Variants in DPH2 observed in about 807,000 individuals in gnomAD.
The protein encoded by DPH2 is diphthamide biosynthesis 2.
DPH2 carries 28 observed loss-of-function variants against 42.5 expected under a neutral mutation model. That is an observed-to-expected ratio of 0.66 (90% confidence interval 0.49 to 0.90). The LOEUF is 0.90. Ranked by LOEUF, DPH2 falls within the 40% of genes least tolerant of loss-of-function variation. The pLI, the probability that DPH2 is intolerant of heterozygous loss-of-function variation, is 0.00. For missense variants in DPH2, 576 were observed against 636.0 expected, an observed-to-expected ratio of 0.91 and a Z score of 1.01; for synonymous variants, 279 against 264.4, an observed-to-expected ratio of 1.06 and a Z score of -0.53.
chr1:43,970,011 GTAGT>G lies in DPH2; in HGVS notation c.-161_-158del. ...TAGTCCCACGTGTAGCGGAGAAACAGTAGTTAGGATGGCTGAAGGGGATACTCAC... is the reference window on the plus strand; with the variant it reads ...TAGTCCCACGTGTAGCGGAGAAACAGTAGGATGGCTGAAGGGGATACTCAC... On this transcript the variant is annotated 5_prime_UTR_variant, in exon 1 of 6. Transcript: ENST00000255108. 4 of 760,016 alleles carry G rather than the reference GTAGT, an allele frequency of 5.3e-6. No individual in the cohort carries two copies. The highest frequency in any genetic ancestry group is 8.2e-6 in the Non-Finnish European group (4 of 488,898). The allele number at this position is 760,016 out of a possible 1,614,324, so 47.1% of individuals were successfully genotyped here.
At chr1:43,972,097 T>C (rs913098157) in intron 4 of DPH2, 27 bp downstream of exon 4, 1 of 1,609,420 alleles carries the variant, frequency 6.2e-7, no homozygotes, top group Admixed American at 1.7e-5. Context: ...TTGCCTAAGC[T>C]GGAAACCTGG....
intron 2 of DPH2, 29 bp from the exon 3 acceptor site, chr1:43,970,937 C>G: frequency 1.3e-6 from 2 of 1,556,280 alleles, no homozygotes; most frequent in Non-Finnish European, 1.7e-6. Context: ...AGAAGAGAAC[C>G]CATTTCTCTG....
intron 1 of DPH2, 42 bp from the exon 2 acceptor site, chr1:43,970,554 T>C: frequency 1.2e-6 from 2 of 1,600,112 alleles, no homozygotes; most frequent in Non-Finnish European, 8.6e-7. Context: ...AAGCCCTCAG[T>C]GGGAGAGAGG....
In DPH2 at chr1:43,971,858, T is replaced by C; in HGVS notation, c.956T>C (p.Leu319Pro). The C allele has an allele frequency of 6.2e-7, 1 of 1,614,086 alleles. No individual in the cohort carries two copies. The highest frequency in any genetic ancestry group is 8.5e-7 in the Non-Finnish European group (1 of 1,180,036). The change falls in exon 4 of 6, where the codon CTG becomes CCG. Residue 319 changes from leucine to proline, a missense_variant. Leu to Pro is a moderately conservative substitution (Grantham distance 98, BLOSUM62 -3). This residue lies in a region of DPH2 where 395 missense variants were observed against 435.2 expected (regional missense o/e 0.91). Transcript: ENST00000255108. ...AAGKRSYVLA[L>P]GRPTPAKLAN... ...GGCAAGCGTAGCTATGTGTTGGCCC[T>C]GGGGCGGCCCACCCCTGCCAAGCTT...
In DPH2 at chr1:43,973,009, A is replaced by G. The variant is rs2085467946; in HGVS notation, c.*470A>G. ...GCAGCATCCCTGGCCTCTGCCCACTAGACATCAGAAGCACTCCCCCAGTTG... is the reference window on the plus strand; with the variant it reads ...GCAGCATCCCTGGCCTCTGCCCACTGGACATCAGAAGCACTCCCCCAGTTG... On this transcript the variant is annotated 3_prime_UTR_variant, in exon 6 of 6. Coordinates refer to ENST00000255108, the MANE Select transcript of DPH2 (RefSeq NM_001384.5). 6.4e-6 allele frequency: 1 copy of G among 156,658 alleles called. No homozygotes were observed. Among genetic ancestry groups the G allele is most frequent in the African/African-American group, 2.4e-5 (1 of 41,502 alleles). The allele number at this position is 156,658 out of a possible 1,614,324, so 9.7% of individuals were successfully genotyped here. A position where few individuals can be genotyped will look rare whatever the true frequency, so the allele number is the denominator to read the frequency against.
In DPH2 at chr1:43,971,622, G is replaced by A; in HGVS notation, c.720G>A (p.Gly240=). 6.2e-7 allele frequency: 1 copy of A among 1,614,126 alleles called. No individual in the cohort carries two copies. The highest frequency in any genetic ancestry group is 1.1e-5 in the South Asian group (1 of 91,088). ...CAGACCTGAGTCGGCTGCTCTTGGGGTGGGCACCAGGTCAACCCTTCTCCT... is the reference window on the plus strand; with the variant it reads ...CAGACCTGAGTCGGCTGCTCTTGGGATGGGCACCAGGTCAACCCTTCTCCT... ...LDPDLSRLLL[G]WAPGQPFSSC... is the part of the protein sequence containing the mutation. Residue 240 remains glycine, a synonymous_variant, in exon 4 of 6, where the codon GGG becomes GGA. Coordinates refer to ENST00000255108, the MANE Select transcript of DPH2 (RefSeq NM_001384.5).
chr1:43,972,177 T>C lies in DPH2; in HGVS notation c.1188T>C (p.Ala396=). Residue 396 remains alanine (A), a synonymous_variant, in exon 5 of 6, where the codon GCT becomes GCC. Coordinates refer to ENST00000255108, the MANE Select transcript of DPH2 (RefSeq NM_001384.5). ...DLLPGSPFHV[A]LPPPESELWE... Reference sequence around the variant, plus strand: ...TTTCAGGCTCTCCCTTCCACGTGGCTCTCCCACCACCTGAGTCAGAGCTGT... The same window carrying C: ...TTTCAGGCTCTCCCTTCCACGTGGCCCTCCCACCACCTGAGTCAGAGCTGT... 6.2e-7 allele frequency: 1 copy of C among 1,613,722 alleles called. No homozygotes were observed. The highest frequency in any genetic ancestry group is 8.5e-7 in the Non-Finnish European group (1 of 1,179,796).
chr1:43,972,561 T>A lies in DPH2; in HGVS notation c.*22T>A, dbSNP rs967501103. 4 of 1,599,278 alleles carry A rather than the reference T, an allele frequency of 2.5e-6. No homozygotes were observed. Among genetic ancestry groups the A allele is most frequent in the Non-Finnish European group, 3.4e-6 (4 of 1,166,742 alleles). The stretch of plus-strand genomic sequence containing the variant: ...CTGATACCATGTGGGGCTGGAGACA[T>A]AGATGGACTTATGAATGGCTGCTAG... On this transcript the variant is annotated 3_prime_UTR_variant, in exon 6 of 6. Coordinates refer to ENST00000255108, the MANE Select transcript of DPH2 (RefSeq NM_001384.5).
Position 43,970,692 on chromosome 1 carries a change from GAC to G in DPH2, c.248_249del (p.Thr83SerfsTer13). ...TTGSKMFILG[D>X]TAYGSCCVDV... ...AGGGTCAAAGATGTTCATTCTGGGT[GAC>G]ACAGCCTACGGCAGGTGTGAACTTG... On this transcript the variant is annotated frameshift_variant, in exon 2 of 6. Transcript: ENST00000255108. LOFTEE classifies it high-confidence loss of function. 6.2e-7 allele frequency: 1 copy of G among 1,614,172 alleles called. No individual in the cohort carries two copies. The highest frequency in any genetic ancestry group is 1.7e-5 in the Admixed American group (1 of 60,028).
At position 43,972,253 on chromosome 1, in the gene DPH2, G is replaced by T. The variant is rs1393926142; in HGVS notation, c.1264G>T (p.Ala422Ser). The change falls in exon 5 of 6, where the codon GCC (alanine) becomes TCC (serine). Residue 422 changes from alanine to serine, a missense_variant. By Grantham distance (99) the Ala-to-Ser change is moderately conservative (BLOSUM62 1). Transcript: ENST00000255108. ...TACTGGAGATCTCCGACCCCCACCT[G>T]CCTGGAAGTCATCAAATGATCATGG... Reference protein sequence around the residue: ...LITGDLRPPPAWKSSNDHGSL... With the variant: ...LITGDLRPPPSWKSSNDHGSL... 1 of 1,614,174 alleles carries T rather than the reference G, an allele frequency of 6.2e-7. No homozygotes were observed.
chr1:43,970,508 AG>A, intron 1 of DPH2, 87 bp from the exon 2 acceptor site: 2 of 1,543,888 alleles, frequency 1.3e-6, no homozygotes, highest in South Asian at 2.3e-5. Context: ...GGGGCTTTGA[AG>A]GTTGAGTGGG....
intron 3 of DPH2, 47 bp from the exon 4 acceptor site, chr1:43,971,340 C>T (rs1285517047): frequency 1.9e-6 from 3 of 1,539,680 alleles, no homozygotes; most frequent in African/African-American, 2.8e-5. Context: ...TGAGGGAGCT[C>T]CTGCTTTGCC....
rs1557641991 is a variant in DPH2 at position 43,971,743 on chromosome 1, G to A, written c.841G>A (p.Ala281Thr). ...RRYLVERARD[A>T]RVVGLLAGTL... Reference sequence around the variant, plus strand: ...ATATCTGGTAGAGAGGGCCAGAGATGCCCGCGTGGTAGGGCTGCTGGCAGG... The same window carrying A: ...ATATCTGGTAGAGAGGGCCAGAGATACCCGCGTGGTAGGGCTGCTGGCAGG... The change falls in exon 4 of 6, where the codon GCC becomes ACC. Residue 281 changes from alanine (A) to threonine (T), a missense_variant. Ala to Thr is a moderately conservative substitution (Grantham distance 58). Around this residue, in one of 3 missense-constraint regions of DPH2, gnomAD observed 395 missense variants for 435.2 expected, o/e 0.91. Transcript: ENST00000255108. The A allele has an allele frequency of 6.2e-7, 1 of 1,610,416 alleles. No individual in the cohort carries two copies. Among genetic ancestry groups the A allele is most frequent in the Admixed American group, 1.7e-5 (1 of 60,020 alleles).
Position 43,971,344 on chromosome 1 carries a change from C to T in DPH2, c.485-43C>T, listed in dbSNP as rs1248300785. The T allele has an allele frequency of 1.3e-5, 20 of 1,541,206 alleles. No individual in the cohort carries two copies. In the East Asian group the frequency reaches 4.5e-4, roughly 35 times the overall value. Reference sequence around the variant, plus strand: ...TCTCCTGGGGATGAGGGAGCTCCTGCTTTGCCAGGCTCCAACCTCAACACT... The same window carrying T: ...TCTCCTGGGGATGAGGGAGCTCCTGTTTTGCCAGGCTCCAACCTCAACACT... On this transcript the variant is annotated intron_variant, in intron 3 of 5. Coordinates refer to ENST00000255108, the MANE Select transcript of DPH2 (RefSeq NM_001384.5).
Position 43,970,272 on chromosome 1 carries a change from T to C in DPH2, c.97T>C (p.Tyr33His). The change falls in exon 1 of 6, where the codon TAC (tyrosine) becomes CAC (histidine). Residue 33 changes from tyrosine (Y) to histidine (H), a missense_variant. This residue lies in a region of DPH2 where 395 missense variants were observed against 435.2 expected (regional missense o/e 0.91). Coordinates refer to ENST00000255108, the MANE Select transcript of DPH2 (RefSeq NM_001384.5). Reference sequence around the variant, plus strand: ...TCCTCTTCCGGACCTGGACGGAGTGTACGAGCTGGAGCGAGTCGCTGGATT... The same window carrying C: ...TCCTCTTCCGGACCTGGACGGAGTGCACGAGCTGGAGCGAGTCGCTGGATT... The part of the protein sequence containing the change: ...LTPLPDLDGV[Y>H]ELERVAGFVR... 1 of 1,614,218 alleles carries C rather than the reference T, an allele frequency of 6.2e-7. No homozygotes were observed. Among genetic ancestry groups the C allele is most frequent in the Middle Eastern group, 1.6e-4 (1 of 6,062 alleles).
At position 43,971,059 on chromosome 1, in the gene DPH2, G is replaced by A. The variant is rs1160543931; in HGVS notation, c.354G>A (p.Leu118=). ...PACLSPPARP[L]PVAFVLRQRS... ...GCTTAAGCCCTCCAGCCCGCCCACT[G>A]CCCGTTGCCTTCGTGCTTCGTCAAC... Residue 118 remains leucine, a synonymous_variant, in exon 3 of 6, where the codon CTG becomes CTA. Coordinates refer to ENST00000255108, the MANE Select transcript of DPH2 (RefSeq NM_001384.5). The A allele has an allele frequency of 6.4e-7, 1 of 1,574,542 alleles. No individual in the cohort carries two copies. The highest frequency in any genetic ancestry group is 8.6e-7 in the Non-Finnish European group (1 of 1,159,000).
Position 43,972,584 on chromosome 1 carries a change from T to C in DPH2, c.*45T>C, listed in dbSNP as rs745952117. Reference sequence around the variant, plus strand: ...CATAGATGGACTTATGAATGGCTGCTAGGACCTTTAGTGCTCCCTGCACCA... The same window carrying C: ...CATAGATGGACTTATGAATGGCTGCCAGGACCTTTAGTGCTCCCTGCACCA... On this transcript the variant is annotated 3_prime_UTR_variant, in exon 6 of 6. Coordinates refer to ENST00000255108, the MANE Select transcript of DPH2 (RefSeq NM_001384.5). 8 of 1,609,694 alleles carry C rather than the reference T, an allele frequency of 5.0e-6. No homozygotes were observed. The Admixed American group carries it at 1.2e-4, about 24-fold the overall frequency.
rs758561837 is a variant in DPH2 at position 43,971,813 on chromosome 1, G to A, written c.911G>A (p.Arg304Gln). Reference sequence around the variant, plus strand: ...CACCGTGAGGCACTGGCCCACTTGCGGAACCTGACTCAGGCTGCTGGCAAG... The same window carrying A: ...CACCGTGAGGCACTGGCCCACTTGCAGAACCTGACTCAGGCTGCTGGCAAG... ...AQHREALAHL[R>Q]NLTQAAGKRS... Residue 304 changes from arginine to glutamine, a missense_variant, in exon 4 of 6, where the codon CGG (arginine) becomes CAG (glutamine). By Grantham distance (43) the Arg-to-Gln change is conservative. This residue lies in a region of DPH2 where 395 missense variants were observed against 435.2 expected (regional missense o/e 0.91). Coordinates refer to ENST00000255108, the MANE Select transcript of DPH2 (RefSeq NM_001384.5). 9.3e-6 allele frequency: 15 copies of A among 1,612,346 alleles called. No individual in the cohort carries two copies. The highest frequency in any genetic ancestry group is 6.7e-5 in the African/African-American group (5 of 74,952).
At position 43,970,704 on chromosome 1, in the gene DPH2, G is replaced by A. The variant is rs765438963; in HGVS notation, c.256G>A (p.Gly86Ser). The A allele has an allele frequency of 7.4e-6, 12 of 1,614,124 alleles. No individual in the cohort carries two copies. In the East Asian group the frequency reaches 2.0e-4, roughly 27 times the overall value. ...GTTCATTCTGGGTGACACAGCCTAC[G>A]GCAGGTGTGAACTTGGCCTTAGGTG... is the stretch of plus-strand genomic sequence containing the variant. ...KMFILGDTAY[G>S]SCCVDVLGAE... Residue 86 changes from glycine to serine, a missense_variant, in exon 2 of 6, where the codon GGC (glycine) becomes AGC (serine). This residue lies in a region of DPH2 where 395 missense variants were observed against 435.2 expected (regional missense o/e 0.91). Coordinates refer to ENST00000255108, the MANE Select transcript of DPH2 (RefSeq NM_001384.5).
Sources: allele counts gnomAD v4.1 joint callset, GRCh38; gene constraint gnomAD v4.1.1; regional missense constraint gnomAD v4.1.1; transcripts MANE v1.5; gene names NCBI Gene and HGNC (gene_info 2026-07-23, HGNC 2026-07-21).